Variants in P2RY12 observed in about 807,000 individuals in gnomAD.
P2RY12 encodes the protein P2Y purinoceptor 12.
P2RY12 carries 3 observed loss-of-function variants against 4.5 expected under a neutral mutation model. The observed-to-expected ratio is 0.67, with a 90% confidence interval of 0.31 to 1.74. P2RY12 has a LOEUF of 1.74. Among genes scored for constraint, P2RY12 ranks in the 40% most tolerant of loss-of-function variants. The probability of loss-of-function intolerance (pLI) is 0.09; values close to 1 mark genes in which losing one functional copy is unlikely to be tolerated. For synonymous variants in P2RY12, 148 were observed against 154.1 expected (o/e 0.96, Z 0.29); for missense variants, 356 against 407.8 (o/e 0.87, Z 1.09).
chr3:151,337,923 G>T lies in P2RY12; in HGVS notation c.923C>A (p.Ser308Tyr), dbSNP rs1253586732. Reference protein sequence around the residue: ...YFFLCKSFRNSLISMLKCPNS... With the variant: ...YFFLCKSFRNYLISMLKCPNS... ...GGGGCACTTCAGCATACTTATCAAGGAATTTCTGAAGGACTTGCAAAGGAA... is the reference window on the plus strand; with the variant it reads ...GGGGCACTTCAGCATACTTATCAAGTAATTTCTGAAGGACTTGCAAAGGAA... The change falls in exon 3 of 3, where the codon TCC (serine) becomes TAC (tyrosine). Residue 308 changes from serine to tyrosine, a missense_variant. By Grantham distance (144) the Ser-to-Tyr change is moderately radical. Transcript: ENST00000302632. 6.2e-7 allele frequency: 1 copy of T among 1,613,948 alleles called. No individual in the cohort carries two copies. Among genetic ancestry groups the T allele is most frequent in the Non-Finnish European group, 8.5e-7 (1 of 1,179,988 alleles).
At chr3:151,345,517 C>CTTTTTTTTTT (rs201731496) in intron 1 of P2RY12, among the ~76,000 whole-genome samples, 1 of 131,652 alleles carries the variant, frequency 7.6e-6, no homozygotes, top group Non-Finnish European at 1.6e-5. Context: ...TTTTCTTTTT[C>CTTTTTTTTTT]TTTTTTTTTT....
chr3:151,369,647 A>G, intron 1 of P2RY12: 1 of 749,686 alleles, frequency 1.3e-6, no homozygotes, highest in Non-Finnish European at 2.1e-6. Context: ...TATTGGAAAC[A>G]TGATACTGTT....
chr3:151,366,041 G>A, intron 1 of P2RY12: 1 of 1,384,546 alleles, frequency 7.2e-7, no homozygotes, highest in Non-Finnish European at 9.6e-7. Flanking sequence ...TAAATATTTA[G>A]TTAGTGGGTA....
At chr3:151,367,351 C>T (rs547350061) in intron 1 of P2RY12, among the ~76,000 whole-genome samples, 10 of 152,248 alleles carry the variant, frequency 6.6e-5, no homozygotes, top group Non-Finnish European at 1.2e-4. Flanking sequence ...GATGTTACAT[C>T]TTGTAGTGAT....
At chr3:151,380,872 G>T (rs934343944) in intron 1 of P2RY12, among the ~76,000 whole-genome samples, 1 of 152,188 alleles carries the variant, frequency 6.6e-6, no homozygotes, top group Non-Finnish European at 1.5e-5. Context: ...AGTGAGTCCA[G>T]CTCCTCAAGC....
intron 1 of P2RY12, chr3:151,382,509 G>A (rs1057331432): frequency 4.0e-6 from 2 of 504,588 alleles, no homozygotes; most frequent in African/African-American, 2.0e-5. Context: ...TCTGCATGGA[G>A]GAAGAAGAAA....
rs1291405839 is a variant in P2RY12 at position 151,338,115 on chromosome 3, A to C, written c.731T>G (p.Val244Gly). The change falls in exon 3 of 3, where the codon GTA (valine) becomes GGA (glycine). Residue 244 changes from valine (V) to glycine (G), a missense_variant. Val to Gly is a moderately radical substitution (Grantham distance 109). Coordinates refer to ENST00000302632, the MANE Select transcript of P2RY12 (RefSeq NM_022788.5). Reference sequence around the variant, plus strand: ...GAAAGGAACAAAACAAATAAAGAATACAGCAATGATAATGAAAACTTTGAC... The same window carrying C: ...GAAAGGAACAAAACAAATAAAGAATCCAGCAATGATAATGAAAACTTTGAC... ...VNVKVFIIIA[V>G]FFICFVPFHF... 1 of 1,614,084 alleles carries C rather than the reference A, an allele frequency of 6.2e-7. No individual in the cohort carries two copies. The highest frequency in any genetic ancestry group is 1.1e-5 in the South Asian group (1 of 91,072).
chr3:151,366,799 GC>G (rs1013154430), intron 1 of P2RY12, among the ~76,000 whole-genome samples: 1 of 151,832 alleles, frequency 6.6e-6, no homozygotes, highest in Non-Finnish European at 1.5e-5. Flanking sequence ...CATAGATGTG[GC>G]CTGCTTTTCT....
intron 1 of P2RY12, chr3:151,350,160 A>G (rs748864263): frequency 1.1e-5 from 17 of 1,613,772 alleles, no homozygotes; most frequent in Non-Finnish European, 1.4e-5. Context: ...AGATTACCAA[A>G]GATATCCTGA....
At chr3:151,367,750 C>G (rs762621532) in intron 1 of P2RY12, 25 of 1,609,434 alleles carry the variant, frequency 1.6e-5, no homozygotes, top group South Asian at 3.3e-5. Flanking sequence ...TCGCACTTCC[C>G]TCTCTTCTAG....
At chr3:151,357,144 A>G (rs1754033722) in intron 1 of P2RY12, 2 of 1,345,042 alleles carry the variant, frequency 1.5e-6, no homozygotes, top group Non-Finnish European at 2.0e-6. Flanking sequence ...TCTATGGTTT[A>G]TAAAAATAAA....
chr3:151,379,263 G>A (rs973130906), intron 1 of P2RY12, among the ~76,000 whole-genome samples: 23 of 152,174 alleles, frequency 1.5e-4, no homozygotes, highest in African/African-American at 5.6e-4. Context: ...AGGACAGATG[G>A]TATTGAAGAG....
At chr3:151,371,689 T>G (rs1468577579) in intron 1 of P2RY12, among the ~76,000 whole-genome samples, 1 of 152,208 alleles carries the variant, frequency 6.6e-6, no homozygotes, top group African/African-American at 2.4e-5. Flanking sequence ...ATTTGTTGGT[T>G]CCAGGAAATT....
At chr3:151,342,331 A>G (rs1362334782) in intron 1 of P2RY12, among the ~76,000 whole-genome samples, 1 of 152,188 alleles carries the variant, frequency 6.6e-6, no homozygotes, top group African/African-American at 2.4e-5. Flanking sequence ...AGTGGGAATC[A>G]TTTGTGTTGG....
chr3:151,355,126 G>A, intron 1 of P2RY12: 1 of 1,612,348 alleles, frequency 6.2e-7, no homozygotes. Context: ...TGTAGTTGGG[G>A]ACGAAGGACA....
At chr3:151,351,495 G>T (rs1161792149) in intron 1 of P2RY12, among the ~76,000 whole-genome samples, 1 of 152,144 alleles carries the variant, frequency 6.6e-6, no homozygotes, top group Admixed American at 6.5e-5. Flanking sequence ...TCTTGTTGAT[G>T]TGTCATTATT....
At chr3:151,382,630 ATGGGGAGTT>A (rs747542501) in intron 1 of P2RY12, 1 of 1,561,176 alleles carries the variant, frequency 6.4e-7, no homozygotes, top group South Asian at 1.2e-5. Flanking sequence ...TTAAACTTTA[ATGGGGAGTT>A]TTTTTCCGGA....
chr3:151,355,220 A>G, intron 1 of P2RY12: 1 of 1,611,958 alleles, frequency 6.2e-7, no homozygotes, highest in Non-Finnish European at 8.5e-7. Flanking sequence ...TATTTTGATC[A>G]ACATCAAGTG....
Position 151,338,638 on chromosome 3 carries a change from C to T in P2RY12, c.208G>A (p.Asp70Asn). Residue 70 changes from aspartate (D) to asparagine (N), a missense_variant, in exon 3 of 3, where the codon GAT becomes AAT. By Grantham distance (23) the Asp-to-Asn change is conservative. Transcript: ENST00000302632. ...IIFLKNTVIS[D>N]LLMILTFPFK... The stretch of plus-strand genomic sequence containing the variant: ...GGAAAAGTCAGAATCATGAGAAGAT[C>T]AGAAATGACTGTGTTCTTAAGAAAA... 4 of 1,613,880 alleles carry T rather than the reference C, an allele frequency of 2.5e-6. No homozygotes were observed. The highest frequency in any genetic ancestry group is 3.4e-6 in the Non-Finnish European group (4 of 1,179,950).
Sources: gnomAD v4.1 joint callset for allele counts (sites outside exome capture counted in the v4.1 genomes callset) on GRCh38, gnomAD v4.1.1 for gene constraint, MANE v1.5 for transcripts, NCBI Gene and HGNC (gene_info 2026-07-23, HGNC 2026-07-21) for gene names.